The following RBFOX1 variants were observed in gnomAD, a reference collection of about 807,000 sequenced individuals.
RBFOX1 encodes the protein RNA binding protein fox-1 homolog 1.
In RBFOX1, 8 loss-of-function variants were observed where a neutral mutation model predicts 57.7. That is an observed-to-expected ratio of 0.14 (90% CI 0.08 to 0.25). The LOEUF is 0.25. Ranked by LOEUF, RBFOX1 falls within the 10% of genes least tolerant of loss-of-function variation. The pLI, the probability that RBFOX1 is intolerant of heterozygous loss-of-function variation, is 1.00. For missense variants in RBFOX1, 611 were observed against 548.5 expected (o/e 1.11, Z -1.14); for synonymous variants, 326 against 222.4 (o/e 1.47, Z -4.15).
intron 11 of RBFOX1, among the ~76,000 whole-genome samples, chr16:7,635,476 A>T (rs1271860020): frequency 6.6e-6 from 1 of 152,170 alleles, no homozygotes; most frequent in Non-Finnish European, 1.5e-5. Flanking sequence ...CACTTTATCC[A>T]GTAACATAAA....
In RBFOX1 at chr16:5,764,372, A is replaced by C. The variant is rs528559506; in HGVS notation, c.319-102931A>C. Among the ~76,000 whole-genome samples, 40 of 152,362 alleles carry C rather than the reference A, an allele frequency of 2.6e-4. 1 individual carries two copies. The South Asian group carries it at 7.5e-3, about 28-fold the overall frequency. Reference sequence around the variant, plus strand: ...GGACTCCTTTCTTCACCAGAAGCTGAGTAGATGCCAGCACCCAGCCTCTTG... The same window carrying C: ...GGACTCCTTTCTTCACCAGAAGCTGCGTAGATGCCAGCACCCAGCCTCTTG... On this transcript the variant is annotated intron_variant, in intron 3 of 19. Coordinates refer to the RBFOX1 transcript ENST00000641259.
chr16:5,751,643 C>G lies in RBFOX1; in HGVS notation c.319-115660C>G, dbSNP rs182721463. Among the ~76,000 whole-genome samples, 61 of 152,238 alleles carry G rather than the reference C, an allele frequency of 4.0e-4. No homozygotes were observed. The South Asian group carries it at 4.4e-3, about 11-fold the overall frequency. On this transcript the variant is annotated intron_variant, in intron 3 of 19. Transcript: ENST00000641259. The stretch of plus-strand genomic sequence containing the variant: ...GAACCGCATCAGTCTCAGGACTACT[C>G]TAAAGGTGAGGAGCATTTGGAAGTG...
intron 3 of RBFOX1, among the ~76,000 whole-genome samples, chr16:6,666,076 C>T (rs574718186): frequency 3.9e-4 from 59 of 152,326 alleles, no homozygotes; most frequent in Non-Finnish European, 6.9e-4. Context: ...CATTCTTTCT[C>T]TGCCACCATA....
At chr16:5,951,186 G>A (rs1182743748) in intron 4 of RBFOX1, among the ~76,000 whole-genome samples, 1 of 152,128 alleles carries the variant, frequency 6.6e-6, no homozygotes, top group Non-Finnish European at 1.5e-5. Context: ...AGTGGCTCAC[G>A]CCTGAAATCT....
chr16:6,267,834 G>A (rs1209135970), intron 1 of RBFOX1, among the ~76,000 whole-genome samples: 2 of 152,132 alleles, frequency 1.3e-5, no homozygotes, highest in African/African-American at 4.8e-5. Flanking sequence ...GACATCCTGT[G>A]ACAGTTTCTT....
In RBFOX1 at chr16:7,431,099, C is replaced by G. The variant is rs576326028; in HGVS notation, c.28-87048C>G. 5 of 152,310 alleles carry G rather than the reference C, an allele frequency of 3.3e-5. No individual in the cohort carries two copies. The South Asian group carries it at 1.0e-3, about 32-fold the overall frequency. 9.4% of individuals were successfully genotyped at this position (152,310 alleles called of 1,614,324 possible). ...ACCAGCTTTTCCATAACAACAACCT[C>G]AAACCCAAACTGACTAATTATCTAC... On this transcript the variant is annotated intron_variant, in intron 4 of 15. Coordinates refer to ENST00000550418, the MANE Select transcript of RBFOX1 (RefSeq NM_018723.4).
At chr16:5,357,133 G>T (rs904676950) in intron 1 of RBFOX1, among the ~76,000 whole-genome samples, 1 of 152,186 alleles carries the variant, frequency 6.6e-6, no homozygotes, top group African/African-American at 2.4e-5. Flanking sequence ...TTTGTTGAGT[G>T]CACCTCTTGG....
chr16:6,927,451 C>T (rs2075807109), intron 3 of RBFOX1, among the ~76,000 whole-genome samples: 2 of 129,542 alleles, frequency 1.5e-5, no homozygotes, highest in Admixed American at 7.5e-5. Context: ...CCGAACGTCT[C>T]GTGTTAACAG....
At chr16:5,603,762 G>T (rs999444213), downstream of RBFOX1, among the ~76,000 whole-genome samples, 21 of 152,160 alleles carry the variant, frequency 1.4e-4, no homozygotes, top group African/African-American at 4.8e-4. Flanking sequence ...TGATCATGTG[G>T]CCACAAGATG....
intron 3 of RBFOX1, among the ~76,000 whole-genome samples, chr16:6,974,855 G>T (rs1386873805): frequency 3.9e-5 from 6 of 152,098 alleles, no homozygotes; most frequent in Non-Finnish European, 7.3e-5. Context: ...CTCGCATTCA[G>T]TGCTCCCTGG....
At chr16:5,387,296 A>G (rs1160140) in intron 1 of RBFOX1, among the ~76,000 whole-genome samples, 47,618 of 151,990 alleles carry the variant, frequency 0.31, 7,964 homozygotes, top group Non-Finnish European at 0.36. Context: ...CTGTAATAGA[A>G]TTCTTCCACC....
intron 2 of RBFOX1, among the ~76,000 whole-genome samples, chr16:5,499,442 C>T (rs889876420): frequency 1.4e-4 from 22 of 152,224 alleles, no homozygotes; most frequent in Non-Finnish European, 2.4e-4. Context: ...ATCAACTCTT[C>T]ACCCGTCCTT....
At chr16:6,164,096 A>G (rs575203974) in intron 1 of RBFOX1, among the ~76,000 whole-genome samples, 2 of 152,316 alleles carry the variant, frequency 1.3e-5, no homozygotes, top group South Asian at 2.1e-4. Flanking sequence ...GCTGTACTCA[A>G]TGTTGCCTCT....
intron 5 of RBFOX1, among the ~76,000 whole-genome samples, chr16:7,531,962 T>C (rs2080204744): frequency 6.6e-6 from 1 of 152,030 alleles, no homozygotes; most frequent in African/African-American, 2.4e-5. Context: ...TTCATACCAT[T>C]TGGCAAGCTC....
At chr16:5,867,205 C>A (rs9922403) in intron 3 of RBFOX1, 1 of 771,152 alleles carries the variant, frequency 1.3e-6, no homozygotes, top group South Asian at 6.8e-5. Context: ...CCCCTCGGGT[C>A]ATAACAAATT....
At chr16:6,992,978 C>G (rs902228349) in intron 3 of RBFOX1, among the ~76,000 whole-genome samples, 4 of 152,016 alleles carry the variant, frequency 2.6e-5, no homozygotes, top group Non-Finnish European at 4.4e-5. Context: ...TTGCTTTAAA[C>G]ATAAAGCCGA....
At chr16:7,001,392 GTGTATT>G (rs1358978501) in intron 3 of RBFOX1, among the ~76,000 whole-genome samples, 44 of 84,132 alleles carry the variant, frequency 5.2e-4, no homozygotes, top group Middle Eastern at 5.1e-3. Flanking sequence ...GTATGTGTAT[GTGTATT>G]TGTATATGTA....
At chr16:6,344,407 C>CTTTTTTTTTTTTTTTT (rs60637926) in intron 2 of RBFOX1, among the ~76,000 whole-genome samples, 20 of 109,840 alleles carry the variant, frequency 1.8e-4, no homozygotes, top group South Asian at 5.6e-4. Flanking sequence ...TCTTTTTTTT[C>CTTTTTTTTTTTTTTTT]TTTTTTTTTT....
intron 4 of RBFOX1, among the ~76,000 whole-genome samples, chr16:7,092,597 G>A (rs189574833): frequency 1.2e-3 from 187 of 152,236 alleles, no homozygotes; most frequent in African/African-American, 4.4e-3. Flanking sequence ...TCCTGGTATG[G>A]TGTGAATGCA....
Sources: gnomAD v4.1 joint callset for allele counts (sites outside exome capture counted in the v4.1 genomes callset) on GRCh38, gnomAD v4.1.1 for gene constraint, MANE v1.5 for transcripts, NCBI Gene and HGNC (gene_info 2026-07-23, HGNC 2026-07-21) for gene names.